FHIP1A: variants seen among roughly 807,000 people sequenced by gnomAD.
The protein encoded by FHIP1A is FHF complex subunit HOOK-interacting protein 1A.
Under a neutral mutation model 88.6 loss-of-function variants are expected in FHIP1A, and 61 were observed. The observed-to-expected ratio is 0.69, with a 90% confidence interval of 0.56 to 0.85. FHIP1A has a LOEUF of 0.85. Ranked by LOEUF, FHIP1A falls within the 40% of genes least tolerant of loss-of-function variation. The pLI is 0.00. For synonymous variants in FHIP1A, 478 were observed against 496.0 expected, an observed-to-expected ratio of 0.96 and a Z score of 0.48; for missense variants, 1,154 against 1,273.5, an observed-to-expected ratio of 0.91 and a Z score of 1.43.
At chr4:151,592,235 T>C (rs1281830992) in intron 7 of FHIP1A, among the ~76,000 whole-genome samples, 2 of 151,986 alleles carry the variant, frequency 1.3e-5, no homozygotes, top group African/African-American at 4.8e-5. Flanking sequence ...CCCAGGTTCA[T>C]GCGATTCTCC....
intron 3 of FHIP1A, among the ~76,000 whole-genome samples, chr4:151,515,634 TCACAAG>T (rs1336310122): frequency 3.9e-5 from 6 of 152,088 alleles, no homozygotes; most frequent in Admixed American, 1.3e-4. Flanking sequence ...TGTACAAAAA[TCACAAG>T]CATTCTTATA....
rs1416109403 is a variant in FHIP1A at position 151,577,563 on chromosome 4, C to G, written c.219C>G (p.Phe73Leu). 5 of 1,551,760 alleles carry G rather than the reference C, an allele frequency of 3.2e-6. No individual in the cohort carries two copies. The Admixed American group carries it at 7.8e-5, about 24-fold the overall frequency. Residue 73 changes from phenylalanine (F) to leucine (L), a missense_variant, in exon 5 of 14, where the codon TTC becomes TTG. Transcript: ENST00000435205. Reference protein sequence around the residue: ...AVQNYVEHMLFLLIEEQAKDA... With the variant: ...AVQNYVEHMLLLLIEEQAKDA... ...AGAATTACGTAGAACACATGCTCTT[C>G]TTGTTGATTGAAGAGCAAGCCAAAG... is the stretch of plus-strand genomic sequence containing the variant.
intron 2 of FHIP1A, among the ~76,000 whole-genome samples, chr4:151,479,638 C>A (rs1191713998): frequency 6.6e-6 from 1 of 152,042 alleles, no homozygotes; most frequent in Admixed American, 6.6e-5. Flanking sequence ...TCAATTAATA[C>A]AATGCTATGG....
At chr4:151,489,534 G>T (rs1176096526) in intron 3 of FHIP1A, among the ~76,000 whole-genome samples, 2 of 152,180 alleles carry the variant, frequency 1.3e-5, no homozygotes, top group Non-Finnish European at 2.9e-5. Flanking sequence ...GAGGGGCAAG[G>T]CCTGAGAGCC....
chr4:151,498,567 G>T (rs1314303365), intron 3 of FHIP1A, among the ~76,000 whole-genome samples: 1 of 152,162 alleles, frequency 6.6e-6, no homozygotes, highest in Non-Finnish European at 1.5e-5. Flanking sequence ...TGTAATCCTA[G>T]CACTTTGGGA....
At chr4:151,464,429 C>T (rs1348212723) in intron 2 of FHIP1A, among the ~76,000 whole-genome samples, 1 of 152,216 alleles carries the variant, frequency 6.6e-6, no homozygotes, top group South Asian at 2.1e-4. Flanking sequence ...CATCATTTCT[C>T]CACTCTCCAC....
intron 13 of FHIP1A, among the ~76,000 whole-genome samples, chr4:151,661,887 C>T (rs1049027707): frequency 2.0e-5 from 3 of 152,190 alleles, no homozygotes; most frequent in African/African-American, 7.2e-5. Context: ...ACCCAACTTC[C>T]TTCCCTTCCA....
intron 3 of FHIP1A, among the ~76,000 whole-genome samples, chr4:151,564,103 A>C (rs10212987): frequency 0.034 from 5,147 of 152,306 alleles, 297 homozygotes; most frequent in African/African-American, 0.12. Context: ...AGAAGATTGC[A>C]TGTAAATTCC....
At chr4:151,504,765 G>A (rs1026534546) in intron 3 of FHIP1A, among the ~76,000 whole-genome samples, 1 of 152,116 alleles carries the variant, frequency 6.6e-6, no homozygotes, top group African/African-American at 2.4e-5. Flanking sequence ...GGGATTACAG[G>A]CATGTGTCAC....
At chr4:151,621,281 G>T (rs1473727520) in intron 7 of FHIP1A, among the ~76,000 whole-genome samples, 1 of 152,090 alleles carries the variant, frequency 6.6e-6, no homozygotes. Context: ...CAGATGATGT[G>T]CAGGTCTGGG....
At chr4:151,622,494 A>G (rs1735785102) in intron 7 of FHIP1A, among the ~76,000 whole-genome samples, 2 of 152,132 alleles carry the variant, frequency 1.3e-5, no homozygotes, top group African/African-American at 4.8e-5. Flanking sequence ...CTGTCTCTCC[A>G]GCCTTCTGGT....
At chr4:151,422,926 C>T (rs1300231759) in intron 1 of FHIP1A, among the ~76,000 whole-genome samples, 1 of 152,096 alleles carries the variant, frequency 6.6e-6, no homozygotes, top group Non-Finnish European at 1.5e-5. Flanking sequence ...CTTTCTAGCC[C>T]CTCTCTTTCT....
chr4:151,647,763 C>T (rs957419583), intron 10 of FHIP1A, among the ~76,000 whole-genome samples: 1 of 152,090 alleles, frequency 6.6e-6, no homozygotes, highest in South Asian at 2.1e-4. Flanking sequence ...TAAAAATTGG[C>T]GTCTTTCTAA....
chr4:151,505,180 T>G (rs1278801676), intron 3 of FHIP1A, among the ~76,000 whole-genome samples: 1 of 152,182 alleles, frequency 6.6e-6, no homozygotes, highest in Non-Finnish European at 1.5e-5. Flanking sequence ...GGGAGGGTTC[T>G]TACTTGTCTA....
At chr4:151,582,218 CCAGGT>C (rs1734052036) in intron 5 of FHIP1A, among the ~76,000 whole-genome samples, 1 of 152,124 alleles carries the variant, frequency 6.6e-6, no homozygotes, top group Non-Finnish European at 1.5e-5. Context: ...ATAGTCCCTA[CCAGGT>C]GTTATGCTGC....
chr4:151,450,191 A>T (rs1160590741), intron 1 of FHIP1A, among the ~76,000 whole-genome samples: 2 of 152,218 alleles, frequency 1.3e-5, no homozygotes, highest in African/African-American at 4.8e-5. Context: ...TATACATTGC[A>T]AAAAGGTCAA....
intron 3 of FHIP1A, among the ~76,000 whole-genome samples, chr4:151,545,366 C>CTTT (rs1732452016): frequency 4.1e-5 from 5 of 122,474 alleles, no homozygotes; most frequent in Admixed American, 8.3e-5. Flanking sequence ...TTTCCTTATC[C>CTTT]TTCTTTTTTT....
chr4:151,453,072 A>T (rs1014213272), intron 1 of FHIP1A, among the ~76,000 whole-genome samples: 1 of 151,620 alleles, frequency 6.6e-6, no homozygotes, highest in African/African-American at 2.4e-5. Context: ...GCTGGAGTAC[A>T]GTGGCGTGAT....
At chr4:151,438,193 C>T (rs1203169911) in intron 1 of FHIP1A, among the ~76,000 whole-genome samples, 1 of 152,120 alleles carries the variant, frequency 6.6e-6, no homozygotes, top group Non-Finnish European at 1.5e-5. Context: ...TCCGTGTTGC[C>T]TCCCATCTCT....
Sources: gnomAD v4.1 joint callset for allele counts (sites outside exome capture counted in the v4.1 genomes callset) on GRCh38, gnomAD v4.1.1 for gene constraint, MANE v1.5 for transcripts, NCBI Gene and HGNC (gene_info 2026-07-23, HGNC 2026-07-21) for gene names.